Variants in NCKAP5 observed in about 807,000 individuals in gnomAD.
NCKAP5 encodes nck-associated protein 5.
In NCKAP5, 92 loss-of-function variants were observed where a neutral mutation model predicts 167.0. The observed-to-expected ratio is 0.55, with a 90% CI of 0.47 to 0.66. NCKAP5 has a LOEUF of 0.66. Among genes scored for constraint, NCKAP5 ranks in the 30% least tolerant of loss-of-function variants. NCKAP5 has a pLI of 0.00. For synonymous variants in NCKAP5, 891 were observed against 877.4 expected, an observed-to-expected ratio of 1.02 and a Z score of -0.27; for missense variants, 2,378 against 2,315.0, an observed-to-expected ratio of 1.03 and a Z score of -0.56.
At chr2:132,766,538 G>A (rs976266582) in intron 16 of NCKAP5, among the ~76,000 whole-genome samples, 1 of 152,158 alleles carries the variant, frequency 6.6e-6, no homozygotes, top group African/African-American at 2.4e-5. Flanking sequence ...AATCAATGTG[G>A]TTTGGAGAAT....
At chr2:132,883,110 G>A (rs1159370397) in intron 8 of NCKAP5, among the ~76,000 whole-genome samples, 1 of 151,564 alleles carries the variant, frequency 6.6e-6, no homozygotes, top group Non-Finnish European at 1.5e-5. Context: ...GTTGAGTTTG[G>A]AGGATTGCTT....
At chr2:133,562,845 T>C (rs1339322914) in intron 1 of NCKAP5, among the ~76,000 whole-genome samples, 1 of 152,218 alleles carries the variant, frequency 6.6e-6, no homozygotes, top group Non-Finnish European at 1.5e-5. Flanking sequence ...ATACACTTCA[T>C]TAGGCAAGTA....
chr2:133,158,350 T>C (rs960863608), intron 5 of NCKAP5, among the ~76,000 whole-genome samples: 1 of 152,206 alleles, frequency 6.6e-6, no homozygotes, highest in African/African-American at 2.4e-5. Flanking sequence ...AAATCCAAGA[T>C]AATTACACAT....
chr2:132,697,880 C>T (rs1687500167), intron 19 of NCKAP5, among the ~76,000 whole-genome samples: 1 of 152,124 alleles, frequency 6.6e-6, no homozygotes, highest in South Asian at 2.1e-4. Context: ...TTCACTTTTT[C>T]TTCTTTAAAA....
chr2:132,717,254 T>A (rs1195969351), intron 19 of NCKAP5, among the ~76,000 whole-genome samples: 1 of 152,186 alleles, frequency 6.6e-6, no homozygotes, highest in Non-Finnish European at 1.5e-5. Context: ...AGCAAACCTT[T>A]AAAATGATCT....
intron 4 of NCKAP5, among the ~76,000 whole-genome samples, chr2:133,299,828 G>A (rs1022306920): frequency 2.6e-5 from 4 of 151,960 alleles, no homozygotes; most frequent in Admixed American, 1.3e-4. Context: ...AACAATTTCG[G>A]TACAATATGA....
At chr2:132,824,179 C>T (rs1262123766) in intron 11 of NCKAP5, among the ~76,000 whole-genome samples, 6 of 152,174 alleles carry the variant, frequency 3.9e-5, no homozygotes, top group Admixed American at 1.3e-4. Context: ...GTTACTTCAG[C>T]TTATAGGGAT....
At chr2:132,945,286 G>T (rs191979906) in intron 8 of NCKAP5, among the ~76,000 whole-genome samples, 1 of 152,172 alleles carries the variant, frequency 6.6e-6, no homozygotes, top group Non-Finnish European at 1.5e-5. Context: ...AAGGTGAGGC[G>T]GGGGCAGGGG....
the NCKAP5 span, among the ~76,000 whole-genome samples, chr2:133,658,296 C>A: frequency 6.6e-6 from 1 of 152,138 alleles, no homozygotes; most frequent in Non-Finnish European, 1.5e-5. Context: ...AAAATACATC[C>A]TGTAAGCTTG....
intron 3 of NCKAP5, among the ~76,000 whole-genome samples, chr2:133,322,329 C>G (rs1433036726): frequency 6.6e-6 from 1 of 152,140 alleles, no homozygotes; most frequent in Non-Finnish European, 1.5e-5. Context: ...AGACATTTTA[C>G]AGCAAAAAGG....
In NCKAP5 at chr2:132,784,841, A is replaced by G; in HGVS notation, c.1970T>C (p.Val657Ala). 2.5e-6 allele frequency: 4 copies of G among 1,570,476 alleles called. No individual in the cohort carries two copies. Among genetic ancestry groups the G allele is most frequent in the South Asian group, 2.4e-5 (2 of 83,514 alleles). The stretch of plus-strand genomic sequence containing the variant: ...TTCTTCTGAAGAAGTCCTTTTTACA[A>G]CTCTTTGCTGCTTAATGAAACTAAA... ...KTFSFIKQQR[V>A]VKRTSSEECV... is the part of the protein sequence containing the mutation. Residue 657 changes from valine to alanine, a missense_variant, in exon 14 of 20, where the codon GTT becomes GCT. By Grantham distance (64) the Val-to-Ala change is moderately conservative (BLOSUM62 0). Around this residue, in one of 3 missense-constraint regions of NCKAP5, gnomAD observed 1,049 missense variants for 1,023.4 expected, o/e 1.02. Coordinates refer to ENST00000409261, the MANE Select transcript of NCKAP5 (RefSeq NM_207363.3).
intron 7 of NCKAP5, among the ~76,000 whole-genome samples, chr2:132,968,833 C>G (rs559033465): frequency 6.6e-6 from 1 of 152,096 alleles, no homozygotes; most frequent in African/African-American, 2.4e-5. Flanking sequence ...AGCTGAAGGG[C>G]ATTGTGGAGG....
At chr2:132,724,387 A>G (rs1373948554) in intron 19 of NCKAP5, among the ~76,000 whole-genome samples, 1 of 152,164 alleles carries the variant, frequency 6.6e-6, no homozygotes, top group Middle Eastern at 3.2e-3. Flanking sequence ...AGCTTTCAAC[A>G]AATACTTACT....
chr2:133,187,951 T>C (rs889689805), intron 5 of NCKAP5, among the ~76,000 whole-genome samples: 6 of 152,116 alleles, frequency 3.9e-5, no homozygotes, highest in Non-Finnish European at 7.4e-5. Context: ...TGTCTTTTAA[T>C]TGGAGCATTT....
chr2:133,463,223 A>AT (rs1414120647), intron 3 of NCKAP5, among the ~76,000 whole-genome samples: 2 of 152,152 alleles, frequency 1.3e-5, no homozygotes, highest in South Asian at 2.1e-4. Flanking sequence ...CATACGCCAC[A>AT]TTTTTTAGAT....
chr2:133,324,787 T>C (rs193261753), intron 3 of NCKAP5, among the ~76,000 whole-genome samples: 132 of 152,236 alleles, frequency 8.7e-4, no homozygotes, highest in African/African-American at 3.1e-3. Flanking sequence ...TGGCACGATC[T>C]CGGCTCACTG....
intron 9 of NCKAP5, among the ~76,000 whole-genome samples, chr2:132,875,876 C>T (rs986768067): frequency 2.0e-5 from 3 of 152,086 alleles, no homozygotes; most frequent in Admixed American, 2.0e-4. Flanking sequence ...GGTGTGTGCG[C>T]ATGCATTTGT....
chr2:132,789,049 C>T (rs1374018025), intron 13 of NCKAP5, among the ~76,000 whole-genome samples: 1 of 152,112 alleles, frequency 6.6e-6, no homozygotes, highest in Non-Finnish European at 1.5e-5. Flanking sequence ...CATGAAGTGC[C>T]TTAAGAACCT....
chr2:133,589,068 C>T, the NCKAP5 span, among the ~76,000 whole-genome samples: 8 of 152,264 alleles, frequency 5.3e-5, no homozygotes, highest in African/African-American at 1.7e-4. Flanking sequence ...GGGTTTGGAG[C>T]AGAGGACTGA....
Sources: gnomAD v4.1 joint callset for allele counts (sites outside exome capture counted in the v4.1 genomes callset) on GRCh38, gnomAD v4.1.1 for gene constraint, gnomAD v4.1.1 regional missense constraint, MANE v1.5 for transcripts, NCBI Gene and HGNC (gene_info 2026-07-23, HGNC 2026-07-21) for gene names.